The following SETBP1 variants were observed in gnomAD, a reference collection of about 807,000 sequenced individuals.
SETBP1 encodes SET-binding protein.
A neutral mutation model predicts 101.0 loss-of-function variants in SETBP1; 9 were observed. That is an observed-to-expected ratio of 0.09 (90% CI 0.05 to 0.16). SETBP1 has a LOEUF of 0.16. Ranked by LOEUF, SETBP1 falls within the 10% of genes least tolerant of loss-of-function variation. The probability of loss-of-function intolerance (pLI) is 1.00; values close to 1 mark genes in which losing one functional copy is unlikely to be tolerated. For synonymous variants in SETBP1, 818 were observed against 788.5 expected (o/e 1.04, Z -0.63); for missense variants, 1,858 against 2,033.8 (o/e 0.91, Z 1.66).
At chr18:45,022,217 G>A (rs1054252346) in intron 4 of SETBP1, among the ~76,000 whole-genome samples, 2 of 152,174 alleles carry the variant, frequency 1.3e-5, no homozygotes, top group Admixed American at 6.5e-5. Flanking sequence ...CAAACTCCAG[G>A]CACTATTCCC....
intron 3 of SETBP1, among the ~76,000 whole-genome samples, chr18:44,932,606 A>T (rs1412481552): frequency 2.0e-5 from 3 of 152,130 alleles, no homozygotes; most frequent in Non-Finnish European, 4.4e-5. Context: ...CTTTTCACAT[A>T]GTCCCATATT....
At chr18:44,789,604 G>A (rs1429863115) in intron 2 of SETBP1, among the ~76,000 whole-genome samples, 1 of 152,196 alleles carries the variant, frequency 6.6e-6, no homozygotes, top group African/African-American at 2.4e-5. Context: ...TTGGGTAGCA[G>A]TCCATCACCT....
chr18:45,000,695 G>T (rs1394744821), intron 4 of SETBP1, among the ~76,000 whole-genome samples: 1 of 152,070 alleles, frequency 6.6e-6, no homozygotes, highest in Non-Finnish European at 1.5e-5. Context: ...AGAGAAAGCA[G>T]AGAAGTTGTA....
intron 2 of SETBP1, among the ~76,000 whole-genome samples, chr18:44,745,973 A>G (rs543843355): frequency 6.6e-6 from 1 of 152,294 alleles, no homozygotes; most frequent in African/African-American, 2.4e-5. Flanking sequence ...GAAGGCACAC[A>G]CACACCCAGG....
At chr18:44,924,513 C>G (rs183847627) in intron 3 of SETBP1, among the ~76,000 whole-genome samples, 1 of 152,062 alleles carries the variant, frequency 6.6e-6, no homozygotes, top group African/African-American at 2.4e-5. Context: ...ATATTAGCCA[C>G]TTTATTATTT....
At chr18:44,973,762 A>C (rs978659946) in intron 4 of SETBP1, among the ~76,000 whole-genome samples, 1 of 152,212 alleles carries the variant, frequency 6.6e-6, no homozygotes, top group African/African-American at 2.4e-5. Context: ...CTCATGGGGC[A>C]TGATGTGCAG....
At chr18:44,724,477 G>A (rs2069665518) in intron 2 of SETBP1, among the ~76,000 whole-genome samples, 1 of 152,196 alleles carries the variant, frequency 6.6e-6, no homozygotes, top group Non-Finnish European at 1.5e-5. Flanking sequence ...GTAAGTGAGA[G>A]TGGGAGTCTG....
At chr18:44,731,508 C>A (rs1388536113) in intron 2 of SETBP1, among the ~76,000 whole-genome samples, 1 of 152,116 alleles carries the variant, frequency 6.6e-6, no homozygotes, top group Non-Finnish European at 1.5e-5. Flanking sequence ...TCGATCTAAC[C>A]AAACTTAGAA....
intron 4 of SETBP1, among the ~76,000 whole-genome samples, chr18:44,991,339 G>A (rs193170926): frequency 1.4e-5 from 2 of 148,052 alleles, no homozygotes; most frequent in Admixed American, 1.3e-4. Flanking sequence ...AAACATAAAA[G>A]CTTTAAAAAG....
chr18:44,736,000 C>T (rs2069957745), intron 2 of SETBP1, among the ~76,000 whole-genome samples: 2 of 152,166 alleles, frequency 1.3e-5, no homozygotes, highest in Admixed American at 6.5e-5. Flanking sequence ...TCAGCTGCTG[C>T]TGCCTTAGAA....
intron 3 of SETBP1, among the ~76,000 whole-genome samples, chr18:44,928,102 C>A (rs551353457): frequency 1.3e-5 from 2 of 152,218 alleles, no homozygotes; most frequent in South Asian, 4.1e-4. Context: ...CACGACAGGC[C>A]CTGGTGTGTG....
At chr18:44,762,580 A>G (rs913000651) in intron 2 of SETBP1, among the ~76,000 whole-genome samples, 1 of 152,230 alleles carries the variant, frequency 6.6e-6, no homozygotes, top group Admixed American at 6.5e-5. Context: ...ATTGTGAAGC[A>G]GAAAGGGAAG....
At chr18:44,741,202 C>T (rs777416284) in intron 2 of SETBP1, among the ~76,000 whole-genome samples, 10 of 152,188 alleles carry the variant, frequency 6.6e-5, no homozygotes, top group Non-Finnish European at 1.2e-4. Context: ...ATCAAAGACC[C>T]AGTGCCTGCC....
At chr18:44,885,368 A>G (rs1368424835) in intron 3 of SETBP1, among the ~76,000 whole-genome samples, 1 of 152,188 alleles carries the variant, frequency 6.6e-6, no homozygotes, top group Non-Finnish European at 1.5e-5. Context: ...CAAGTAAATG[A>G]GCACATGAAT....
chr18:44,893,506 G>A (rs1046662004), intron 3 of SETBP1, among the ~76,000 whole-genome samples: 1 of 152,136 alleles, frequency 6.6e-6, no homozygotes, highest in Non-Finnish European at 1.5e-5. Context: ...GGTGCACATA[G>A]TTAGTAGTCA....
chr18:44,684,247 A>C (rs1266607155), intron 1 of SETBP1, among the ~76,000 whole-genome samples: 4 of 152,184 alleles, frequency 2.6e-5, no homozygotes, highest in Non-Finnish European at 5.9e-5. Context: ...TTTAAAGGCA[A>C]CCCAGGTGTT....
At chr18:44,926,393 G>T (rs1308864629) in intron 3 of SETBP1, among the ~76,000 whole-genome samples, 2 of 152,168 alleles carry the variant, frequency 1.3e-5, no homozygotes, top group Non-Finnish European at 2.9e-5. Flanking sequence ...GCTTTTCCCT[G>T]CATGATTTTG....
chr18:45,036,332 CAAA>C (rs370732298), intron 4 of SETBP1, among the ~76,000 whole-genome samples: 4 of 97,270 alleles, frequency 4.1e-5, no homozygotes, highest in Non-Finnish European at 6.6e-5. Flanking sequence ...GACTCTGTCT[CAAA>C]AAAAAAAAAA....
intron 1 of SETBP1, among the ~76,000 whole-genome samples, chr18:44,683,046 G>C (rs140086649): frequency 4.6e-5 from 7 of 152,314 alleles, no homozygotes; most frequent in African/African-American, 1.7e-4. Context: ...ACATAAGGTG[G>C]AGTGTCTGAG....
Sources: allele counts gnomAD v4.1 joint callset (sites outside exome capture counted in the v4.1 genomes callset), GRCh38; gene constraint gnomAD v4.1.1; transcripts MANE v1.5; gene names NCBI Gene and HGNC (gene_info 2026-07-23, HGNC 2026-07-21).